Variants in APLP2 observed in about 807,000 individuals in gnomAD.
APLP2 encodes the protein CDEI box-binding protein.
Under a neutral mutation model 89.9 loss-of-function variants are expected in APLP2, and 53 were observed. That is an observed-to-expected ratio of 0.59 (90% CI 0.47 to 0.74). The LOEUF is 0.74. Among genes scored for constraint, APLP2 ranks in the 30% least tolerant of loss-of-function variants. The pLI, the probability that APLP2 is intolerant of heterozygous loss-of-function variation, is 0.00. For synonymous variants in APLP2, 372 were observed against 348.6 expected (o/e 1.07, Z -0.75); for missense variants, 973 against 975.9 (o/e 1.00, Z 0.04).
At position 130,070,073 on chromosome 11, in the gene APLP2, C is replaced by A; in HGVS notation, c.96C>A (p.Gly32=). The change falls in exon 1 of 17, where the codon GGC becomes GGA. Residue 32 remains glycine, a synonymous_variant. Coordinates refer to ENST00000338167, the MANE Select transcript of APLP2 (RefSeq NM_001142276.2). ...GLTAPALALA[G]YIEALAANAG... is the part of the protein sequence containing the mutation. Reference sequence around the variant, plus strand: ...CGGCGCCTGCCTTGGCGCTGGCCGGCTACATCGAGGTGGGGACCGGGCGAA... The same window carrying A: ...CGGCGCCTGCCTTGGCGCTGGCCGGATACATCGAGGTGGGGACCGGGCGAA... The A allele has an allele frequency of 6.8e-7, 1 of 1,477,388 alleles. No individual in the cohort carries two copies. Among genetic ancestry groups the A allele is most frequent in the East Asian group, 2.9e-5 (1 of 34,328 alleles). The allele number at this position is 1,477,388 out of a possible 1,614,324, so 91.5% of individuals were successfully genotyped here. A position where few individuals can be genotyped will look rare whatever the true frequency, so the allele number is the denominator to read the frequency against.
At chr11:130,131,066 GA>G (rs1327965756) in intron 11 of APLP2, among the ~76,000 whole-genome samples, 1 of 152,230 alleles carries the variant, frequency 6.6e-6, no homozygotes, top group Non-Finnish European at 1.5e-5. Flanking sequence ...CGCTAGTGTA[GA>G]GATAATAACT....
chr11:130,140,452 TTAACAG>T lies in APLP2; in HGVS notation c.1896_1901del (p.Asn632_Ser633del). 2 of 1,611,476 alleles carry T rather than the reference TTAACAG, an allele frequency of 1.2e-6. No individual in the cohort carries two copies. The highest frequency in any genetic ancestry group is 1.7e-6 in the Non-Finnish European group (2 of 1,178,964). On this transcript the variant is annotated inframe_deletion, in exon 14 of 17. Coordinates refer to ENST00000338167, the MANE Select transcript of APLP2 (RefSeq NM_001142276.2). ...CTGATCGGTGCCGAAGAGAAAGTGA[TTAACAG>T]TAAGAATAAAGTGGATGAAAACATG...
intron 1 of APLP2, among the ~76,000 whole-genome samples, chr11:130,104,679 G>C (rs1947415348): frequency 6.6e-6 from 1 of 152,006 alleles, no homozygotes; most frequent in Admixed American, 6.6e-5. Context: ...TCCTTCTTTG[G>C]GGGAAGCAGG....
intron 1 of APLP2, among the ~76,000 whole-genome samples, chr11:130,086,501 C>T (rs1944144670): frequency 6.6e-6 from 1 of 152,148 alleles, no homozygotes; most frequent in Non-Finnish European, 1.5e-5. Flanking sequence ...TCCTTTGATG[C>T]ACAAAAGTTT....
At chr11:130,142,144 TA>T in intron 16 of APLP2, 70 bp downstream of exon 16, 1 of 1,471,536 alleles carries the variant, frequency 6.8e-7, no homozygotes. Context: ...CCTGTGGAAT[TA>T]ATAGGCATCT....
intron 2 of APLP2, among the ~76,000 whole-genome samples, chr11:130,110,252 C>T (rs995180003): frequency 6.6e-6 from 1 of 152,240 alleles, no homozygotes; most frequent in Non-Finnish European, 1.5e-5. Context: ...CTTGACATCT[C>T]ATGAATTTGT....
intron 1 of APLP2, among the ~76,000 whole-genome samples, chr11:130,072,400 C>T (rs1402519101): frequency 6.6e-6 from 1 of 151,596 alleles, no homozygotes; most frequent in East Asian, 1.9e-4. Context: ...GTTGGTGTTT[C>T]TGACAGGTGG....
At chr11:130,121,582 A>C in intron 4 of APLP2, 32 bp from the exon 5 acceptor site, 1 of 1,584,842 alleles carries the variant, frequency 6.3e-7, no homozygotes, top group Non-Finnish European at 8.6e-7. Context: ...ACTCTGGAGT[A>C]TGTTCTGATG....
At chr11:130,111,094 A>T (rs1948495268) in intron 3 of APLP2, among the ~76,000 whole-genome samples, 1 of 152,088 alleles carries the variant, frequency 6.6e-6, no homozygotes, top group Non-Finnish European at 1.5e-5. Flanking sequence ...AAAGTGACTT[A>T]TGGCAGCCTG....
chr11:130,115,987 A>AT (rs1227395256), intron 3 of APLP2, among the ~76,000 whole-genome samples: 2 of 152,242 alleles, frequency 1.3e-5, no homozygotes, highest in East Asian at 3.9e-4. Flanking sequence ...ATAGATGAAC[A>AT]TTTTTTTCTT....
chr11:130,128,839 GCT>G (rs988060326), intron 9 of APLP2, among the ~76,000 whole-genome samples: 3 of 152,190 alleles, frequency 2.0e-5, no homozygotes, highest in African/African-American at 7.2e-5. Flanking sequence ...GGTTTAACTT[GCT>G]CTCTTTAAAG....
At chr11:130,135,156 A>G (rs772265241) in intron 12 of APLP2, among the ~76,000 whole-genome samples, 6 of 151,462 alleles carry the variant, frequency 4.0e-5, no homozygotes, top group Admixed American at 1.3e-4. Flanking sequence ...ATATCGTACT[A>G]TATACTAAAA....
chr11:130,074,727 G>T (rs577572152), intron 1 of APLP2, among the ~76,000 whole-genome samples: 1 of 152,158 alleles, frequency 6.6e-6, no homozygotes, highest in Admixed American at 6.5e-5. Flanking sequence ...TCTGTTAATA[G>T]ATAGGTCATG....
chr11:130,133,458 T>C (rs895549264), intron 11 of APLP2, among the ~76,000 whole-genome samples, 171 bp from the exon 12 acceptor site: 19 of 152,172 alleles, frequency 1.2e-4, no homozygotes, highest in Non-Finnish European at 2.5e-4. Flanking sequence ...TCAGTAAATA[T>C]GGCGTGAGGA....
Position 130,126,693 on chromosome 11 carries a change from G to GT in APLP2, c.1091-4dup. ...CAAAGAGAACTCCCTCTGTAATTTT[G>GT]TTTCAGTTCCTCCAACTCCTCTGCC... is the stretch of plus-strand genomic sequence containing the variant. On this transcript the variant is annotated splice_region_variant and splice_polypyrimidine_tract_variant and intron_variant, in intron 7 of 16. Transcript: ENST00000338167. 1 of 1,613,532 alleles carries GT rather than the reference G, an allele frequency of 6.2e-7. No individual in the cohort carries two copies. The highest frequency in any genetic ancestry group is 8.5e-7 in the Non-Finnish European group (1 of 1,179,490).
intron 1 of APLP2, among the ~76,000 whole-genome samples, chr11:130,085,774 C>G (rs889810251): frequency 6.6e-6 from 1 of 152,188 alleles, no homozygotes; most frequent in Non-Finnish European, 1.5e-5. Flanking sequence ...CCCTGGTGAT[C>G]TATGAATTTG....
chr11:130,086,768 C>T (rs964389963), intron 1 of APLP2, among the ~76,000 whole-genome samples: 3 of 152,194 alleles, frequency 2.0e-5, no homozygotes, highest in African/African-American at 7.2e-5. Context: ...ACATTTGTTG[C>T]ATCCCCATTC....
At chr11:130,083,769 C>G (rs1565553431) in intron 1 of APLP2, among the ~76,000 whole-genome samples, 2 of 152,082 alleles carry the variant, frequency 1.3e-5, no homozygotes, top group Non-Finnish European at 2.9e-5. Context: ...TGGCTATTGT[C>G]AGTAATTCTG....
In APLP2 at chr11:130,116,563, G is replaced by A. The variant is rs543652429; in HGVS notation, c.404-4143G>A. Among the ~76,000 whole-genome samples, 133 of 152,158 alleles carry A rather than the reference G, an allele frequency of 8.7e-4. 1 individual carries two copies. Among genetic ancestry groups the A allele is most frequent in the Non-Finnish European group, 1.6e-3 (109 of 68,006 alleles). ...TGCAGTGGCGCGATCTTGGCTGACT[G>A]CGGCCTTGGTCCTGCGTGTCCCCCT... On this transcript the variant is annotated intron_variant, in intron 3 of 16. Coordinates refer to ENST00000338167, the MANE Select transcript of APLP2 (RefSeq NM_001142276.2).
Sources: gnomAD v4.1 joint callset for allele counts (sites outside exome capture counted in the v4.1 genomes callset) on GRCh38, gnomAD v4.1.1 for gene constraint, MANE v1.5 for transcripts, NCBI Gene and HGNC (gene_info 2026-07-23, HGNC 2026-07-21) for gene names.